Variants in MED27 observed in about 807,000 individuals in gnomAD.
MED27 encodes mediator of RNA polymerase II transcription subunit 27.
Under a neutral mutation model 38.2 loss-of-function variants are expected in MED27, and 30 were observed. The ratio of observed to expected loss-of-function variants is 0.79; its 90% CI spans 0.59 to 1.07. The LOEUF (loss-of-function observed/expected upper bound fraction) is 1.07. Ranked by LOEUF, MED27 falls within the 50% of genes least tolerant of loss-of-function variation. The probability of loss-of-function intolerance (pLI) is 0.00; values close to 1 mark genes in which losing one functional copy is unlikely to be tolerated. For synonymous variants in MED27, 122 were observed against 153.5 expected (o/e 0.79, Z 1.52); for missense variants, 289 against 397.5 (o/e 0.73, Z 2.32).
chr9:131,890,805 G>GT (rs907264666), intron 5 of MED27, among the ~76,000 whole-genome samples: 19 of 152,200 alleles, frequency 1.2e-4, no homozygotes, highest in African/African-American at 4.3e-4. Context: ...TTCTCCATGT[G>GT]TAAGATGAGT....
At chr9:131,998,569 G>A (rs996597585) in intron 3 of MED27, among the ~76,000 whole-genome samples, 1 of 152,190 alleles carries the variant, frequency 6.6e-6, no homozygotes, top group Non-Finnish European at 1.5e-5. Flanking sequence ...AGGTTCCTTA[G>A]GGGTGACGGA....
chr9:132,042,223 G>A (rs938227280), intron 2 of MED27, among the ~76,000 whole-genome samples: 5 of 152,146 alleles, frequency 3.3e-5, no homozygotes, highest in African/African-American at 7.2e-5. Flanking sequence ...TGATGGTGAC[G>A]GCCATCACTA....
intron 4 of MED27, among the ~76,000 whole-genome samples, chr9:131,908,248 G>T (rs13293915): frequency 6.7e-6 from 1 of 148,472 alleles, no homozygotes; most frequent in African/African-American, 2.5e-5. Context: ...GTCCGGGAGG[G>T]AGGTGGGGGG....
intron 5 of MED27, among the ~76,000 whole-genome samples, chr9:131,888,899 T>G (rs1408963875): frequency 1.3e-5 from 2 of 152,238 alleles, no homozygotes; most frequent in African/African-American, 4.8e-5. Flanking sequence ...AACTTTTCAC[T>G]TTCAATCAGG....
intron 2 of MED27, chr9:132,073,711 T>C: frequency 1.3e-6 from 2 of 1,516,060 alleles, no homozygotes; most frequent in Non-Finnish European, 1.8e-6. Flanking sequence ...GACTTTCCAA[T>C]GGAATATTCT....
At chr9:131,892,295 A>G (rs1439352099) in intron 5 of MED27, among the ~76,000 whole-genome samples, 3 of 152,240 alleles carry the variant, frequency 2.0e-5, no homozygotes, top group African/African-American at 7.2e-5. Flanking sequence ...ATTTTAAGTT[A>G]GAATAAAAAT....
At chr9:131,979,347 A>G (rs959148146) in intron 3 of MED27, among the ~76,000 whole-genome samples, 1 of 152,136 alleles carries the variant, frequency 6.6e-6, no homozygotes, top group Non-Finnish European at 1.5e-5. Flanking sequence ...ATCTCGTTTT[A>G]AGCAGATTAG....
At chr9:132,065,872 C>T (rs940088062) in intron 2 of MED27, among the ~76,000 whole-genome samples, 2 of 152,256 alleles carry the variant, frequency 1.3e-5, no homozygotes, top group Admixed American at 1.3e-4. Context: ...CTTTTCTGGA[C>T]ATTCTGCTGA....
rs555670330 is a variant in MED27, at chr9:131,981,002, TCA to T, written c.479+33333_479+33334del. On this transcript the variant is annotated intron_variant, in intron 3 of 7. Coordinates refer to ENST00000292035, the MANE Select transcript of MED27 (RefSeq NM_004269.4). Reference sequence around the variant, plus strand: ...AAAGCAAGGATTAAACTCCAGGTTTTCACACACACAAAAAAAATTCAGTATAG... The same window carrying T: ...AAAGCAAGGATTAAACTCCAGGTTTTCACACACAAAAAAAATTCAGTATAG... Among the ~76,000 whole-genome samples, 770 of 152,324 alleles carry T rather than the reference TCA, an allele frequency of 5.1e-3. 4 individuals are homozygous for T. Among genetic ancestry groups the T allele is most frequent in the African/African-American group, 0.017 (693 of 41,576 alleles).
At chr9:131,978,350 C>T (rs145670429) in intron 3 of MED27, among the ~76,000 whole-genome samples, 1 of 152,230 alleles carries the variant, frequency 6.6e-6, no homozygotes, top group African/African-American at 2.4e-5. Flanking sequence ...ATTTGGATCC[C>T]AATTCAAACA....
intron 4 of MED27, among the ~76,000 whole-genome samples, chr9:131,915,445 A>G (rs1830271390): frequency 6.6e-6 from 1 of 152,226 alleles, no homozygotes; most frequent in South Asian, 2.1e-4. Flanking sequence ...TCACCATGGA[A>G]TCCTAACTAA....
chr9:131,926,516 C>A (rs2131559270), intron 4 of MED27, among the ~76,000 whole-genome samples: 1 of 152,386 alleles, frequency 6.6e-6, no homozygotes, highest in South Asian at 2.1e-4. Flanking sequence ...GTCCTGGCCT[C>A]CTGGGTTCCC....
rs58703601 is a variant in MED27 at position 131,969,207 on chromosome 9, G to C, written c.480-29733C>G. Among the ~76,000 whole-genome samples, 339 of 145,736 alleles carry C rather than the reference G, an allele frequency of 2.3e-3. 6 individuals carry two copies. Among genetic ancestry groups the C allele is most frequent in the Admixed American group, 0.018 (264 of 14,364 alleles). ...CCCACACCTTCTGTCCATGGAAATA[G>C]TATCTTTCACGAACCAGCCCCTGGT... On this transcript the variant is annotated intron_variant, in intron 3 of 7. Transcript: ENST00000292035.
rs542019983 is a variant in MED27, at chr9:132,062,359, C to A, written c.348+15083G>T. Among the ~76,000 whole-genome samples the A allele has an allele frequency of 2.6e-5, 4 of 152,298 alleles. 1 individual carries two copies. Among genetic ancestry groups the A allele is most frequent in the African/African-American group, 9.6e-5 (4 of 41,566 alleles). Reference sequence around the variant, plus strand: ...AGCACATAGGAGGGCTGCCTCACCCCAACTTGGGGAGTTAGAAAAGACTCT... The same window carrying A: ...AGCACATAGGAGGGCTGCCTCACCCAAACTTGGGGAGTTAGAAAAGACTCT... On this transcript the variant is annotated intron_variant, in intron 2 of 7. Transcript: ENST00000292035.
At chr9:131,871,218 G>T (rs1020061289) in intron 6 of MED27, among the ~76,000 whole-genome samples, 1 of 152,132 alleles carries the variant, frequency 6.6e-6, no homozygotes, top group Non-Finnish European at 1.5e-5. Context: ...GCACCCACAC[G>T]CTTTTTCCTA....
chr9:132,050,496 C>G (rs550475467), intron 2 of MED27, among the ~76,000 whole-genome samples: 1 of 152,256 alleles, frequency 6.6e-6, no homozygotes, highest in South Asian at 2.1e-4. Context: ...TGAAGACAGT[C>G]GCTCTGTAAA....
intron 4 of MED27, among the ~76,000 whole-genome samples, chr9:131,936,952 C>T (rs995923666): frequency 6.6e-6 from 1 of 152,208 alleles, no homozygotes; most frequent in African/African-American, 2.4e-5. Context: ...GGCCTCTTAA[C>T]TGGTCTTTCC....
At chr9:132,078,063 A>T (rs1834092646) in intron 1 of MED27, among the ~76,000 whole-genome samples, 1 of 152,216 alleles carries the variant, frequency 6.6e-6, no homozygotes, top group Non-Finnish European at 1.5e-5. Flanking sequence ...AGATGGTAAA[A>T]CTTAACAAAA....
chr9:131,928,630 G>GA (rs1399192909), intron 4 of MED27, among the ~76,000 whole-genome samples: 2 of 152,194 alleles, frequency 1.3e-5, no homozygotes, highest in East Asian at 3.9e-4. Flanking sequence ...GTAAAGCCAT[G>GA]CTGGGCTCAG....
Sources: gnomAD v4.1 joint callset for allele counts (sites outside exome capture counted in the v4.1 genomes callset) on GRCh38, gnomAD v4.1.1 for gene constraint, MANE v1.5 for transcripts, NCBI Gene and HGNC (gene_info 2026-07-23, HGNC 2026-07-21) for gene names.